CCDC30: variants seen among roughly 807,000 people sequenced by gnomAD.
The protein encoded by CCDC30 is coiled-coil domain containing 30, also known as coiled-coil domain-containing protein 30.
Under a neutral mutation model 100.2 loss-of-function variants are expected in CCDC30, and 70 were observed. The ratio of observed to expected loss-of-function variants is 0.70; its 90% confidence interval spans 0.58 to 0.85. The LOEUF is 0.85. Among genes scored for constraint, CCDC30 ranks in the 40% least tolerant of loss-of-function variants. CCDC30 has a pLI of 0.00. For missense variants in CCDC30, 652 were observed against 771.2 expected (o/e 0.85, Z 1.83); for synonymous variants, 233 against 269.5 (o/e 0.86, Z 1.33).
intron 11 of CCDC30, among the ~76,000 whole-genome samples, chr1:42,623,606 T>C (rs1034269210): frequency 1.3e-5 from 2 of 152,238 alleles, no homozygotes; most frequent in Non-Finnish European, 2.9e-5. Flanking sequence ...TCTATTTTTA[T>C]GCCAGTACTA....
At chr1:42,509,246 A>C (rs1331735493) in intron 6 of CCDC30, among the ~76,000 whole-genome samples, 1 of 152,176 alleles carries the variant, frequency 6.6e-6, no homozygotes, top group Non-Finnish European at 1.5e-5. Flanking sequence ...AGTGTGATTT[A>C]CAGTTTATAG....
At position 42,505,190 on chromosome 1, in the gene CCDC30, G is replaced by A. The variant is rs926658460; in HGVS notation, c.456+6274G>A. Among the ~76,000 whole-genome samples, 3 of 151,132 alleles carry A rather than the reference G, an allele frequency of 2.0e-5. No individual in the cohort carries two copies. In the South Asian group the frequency reaches 6.3e-4, roughly 32 times the overall value. Reference sequence around the variant, plus strand: ...ATTTCCCTTTTGGAAGGTCTATGAAGTTCCTTGGTTTTATTTTCCTAAAGA... The same window carrying A: ...ATTTCCCTTTTGGAAGGTCTATGAAATTCCTTGGTTTTATTTTCCTAAAGA... On this transcript the variant is annotated intron_variant, in intron 6 of 16. Coordinates refer to ENST00000668663, the Ensembl canonical transcript of CCDC30.
intron 12 of CCDC30, among the ~76,000 whole-genome samples, chr1:42,641,290 C>A (rs1570331643): frequency 6.7e-6 from 1 of 150,286 alleles, no homozygotes; most frequent in African/African-American, 2.5e-5. Context: ...GTTGACCAGG[C>A]TGGTCTCAAA....
At position 42,534,225 on chromosome 1, in the gene CCDC30, G is replaced by C. The variant is rs1052349888; in HGVS notation, c.457-32071G>C. Among the ~76,000 whole-genome samples, 88 of 152,016 alleles carry C rather than the reference G, an allele frequency of 5.8e-4. 1 individual carries two copies. The highest frequency in any genetic ancestry group is 2.1e-3 in the African/African-American group (88 of 41,460). On this transcript the variant is annotated intron_variant, in intron 6 of 16. Coordinates refer to ENST00000668663, the Ensembl canonical transcript of CCDC30. Reference sequence around the variant, plus strand: ...TAGGAAAAGACAAAGAAAATGAGGGGGGGGGTTCATATTTAAGAGTTGAGA... The same window carrying C: ...TAGGAAAAGACAAAGAAAATGAGGGCGGGGGTTCATATTTAAGAGTTGAGA...
At chr1:42,631,664 T>G (rs1647040197) in intron 11 of CCDC30, among the ~76,000 whole-genome samples, 1 of 152,214 alleles carries the variant, frequency 6.6e-6, no homozygotes, top group African/African-American at 2.4e-5. Flanking sequence ...TCTGTTGTAT[T>G]GTGGCTAGCC....
rs894687044 is a variant in CCDC30, at chr1:42,566,594, G to A, written c.636+119G>A. On this transcript the variant is annotated intron_variant, in intron 7 of 16. Coordinates refer to ENST00000668663, the Ensembl canonical transcript of CCDC30. The stretch of plus-strand genomic sequence containing the variant: ...ATCCACAAATATGTGGACAATGTGA[G>A]CTATCTGGTAACTTCCTCCTTTAAC... 2.6e-5 allele frequency: 20 copies of A among 765,104 alleles called. No individual in the cohort carries two copies. The African/African-American group carries it at 3.4e-4, about 13-fold the overall frequency. The allele number at this position is 765,104 out of a possible 1,614,324, so 47.4% of individuals were successfully genotyped here. A position where few individuals can be genotyped will look rare whatever the true frequency, so the allele number is the denominator to read the frequency against.
chr1:42,648,236 G>A (rs971134213), intron 15 of CCDC30, among the ~76,000 whole-genome samples: 1 of 152,044 alleles, frequency 6.6e-6, no homozygotes, highest in Non-Finnish European at 1.5e-5. Context: ...CACCATGCCT[G>A]GCCTTAAGAG....
At chr1:42,583,140 CT>C (rs1646000884) in intron 9 of CCDC30, among the ~76,000 whole-genome samples, 1 of 152,162 alleles carries the variant, frequency 6.6e-6, no homozygotes, top group Non-Finnish European at 1.5e-5. Flanking sequence ...CATCTCATCC[CT>C]TCTTAAAATG....
In CCDC30 at chr1:42,600,439, A is replaced by G. The variant is rs529647568; in HGVS notation, c.1165-10539A>G. On this transcript the variant is annotated intron_variant, in intron 10 of 16. Coordinates refer to ENST00000668663, the Ensembl canonical transcript of CCDC30. Reference sequence around the variant, plus strand: ...ATAGTTGAACTCCACACCACCATAAACCAGCCAGATATAGTGGATATCTAT... The same window carrying G: ...ATAGTTGAACTCCACACCACCATAAGCCAGCCAGATATAGTGGATATCTAT... Among the ~76,000 whole-genome samples the G allele has an allele frequency of 2.0e-5, 3 of 152,216 alleles. No individual in the cohort carries two copies. The East Asian group carries it at 5.8e-4, about 29-fold the overall frequency.
intron 11 of CCDC30, among the ~76,000 whole-genome samples, chr1:42,622,454 A>G (rs1646857196): frequency 6.6e-6 from 1 of 152,198 alleles, no homozygotes; most frequent in African/African-American, 2.4e-5. Flanking sequence ...ATATATACTC[A>G]GCAGCGGGAT....
At chr1:42,508,993 T>C (rs1354066663) in intron 6 of CCDC30, among the ~76,000 whole-genome samples, 1 of 152,224 alleles carries the variant, frequency 6.6e-6, no homozygotes, top group African/African-American at 2.4e-5. Context: ...GTTAAGTTTT[T>C]CAGCTTTTGA....
intron 7 of CCDC30, chr1:42,568,911 C>G (rs1204793720): frequency 6.7e-6 from 1 of 149,860 alleles, no homozygotes; most frequent in East Asian, 2.0e-4. Flanking sequence ...CCACTGCAAT[C>G]CAGTCTGGGC....
At chr1:42,457,340 G>A in the CCDC30 span, 1 of 1,613,598 alleles carries the variant, frequency 6.2e-7, no homozygotes, top group Non-Finnish European at 8.5e-7. Context: ...TCATCTGGGG[G>A]CCCACTGCAG....
intron 11 of CCDC30, among the ~76,000 whole-genome samples, chr1:42,631,837 G>A (rs1432476809): frequency 6.6e-6 from 1 of 152,106 alleles, no homozygotes; most frequent in Non-Finnish European, 1.5e-5. Context: ...ATCAGCTTGT[G>A]GTGAATGCTG....
chr1:42,556,410 G>A lies in CCDC30; in HGVS notation c.457-9886G>A. 1 of 1,601,950 alleles carries A rather than the reference G, an allele frequency of 6.2e-7. No homozygotes were observed. The highest frequency in any genetic ancestry group is 8.5e-7 in the Non-Finnish European group (1 of 1,174,006). On this transcript the variant is annotated intron_variant, in intron 6 of 16. Transcript: ENST00000668663. The stretch of plus-strand genomic sequence containing the variant: ...TCAGATGACAGTGGTGCCCAGGTAG[G>A]TGCTATAAACACATGCCCTGACTGG...
At chr1:42,616,364 T>C (rs1557456709) in intron 11 of CCDC30, among the ~76,000 whole-genome samples, 1 of 152,262 alleles carries the variant, frequency 6.6e-6, no homozygotes, top group Non-Finnish European at 1.5e-5. Context: ...GCACAGGGTC[T>C]GTGGATCAAT....
chr1:42,555,380 A>C (rs924042156), intron 6 of CCDC30, among the ~76,000 whole-genome samples: 1 of 151,986 alleles, frequency 6.6e-6, no homozygotes, highest in African/African-American at 2.4e-5. Context: ...GCTTGTGCCT[A>C]CTCATCCATC....
intron 6 of CCDC30, chr1:42,539,248 A>C: frequency 6.8e-6 from 11 of 1,611,010 alleles, no homozygotes; most frequent in Non-Finnish European, 9.3e-6. Context: ...ATCAGAAAGC[A>C]AAGACCATTT....
chr1:42,642,007 C>G (rs542646949), intron 12 of CCDC30, among the ~76,000 whole-genome samples: 21 of 152,256 alleles, frequency 1.4e-4, no homozygotes, highest in East Asian at 9.7e-4. Flanking sequence ...GGGCGGATCA[C>G]AAGGTCAGGA....
Sources: gnomAD v4.1 joint callset for allele counts (sites outside exome capture counted in the v4.1 genomes callset) on GRCh38, gnomAD v4.1.1 for gene constraint, MANE v1.5 for transcripts, NCBI Gene and HGNC (gene_info 2026-07-23, HGNC 2026-07-21) for gene names.